SLCO3A1: variants seen among roughly 807,000 people sequenced by gnomAD.
The protein encoded by SLCO3A1 is PGE1 transporter.
SLCO3A1 carries 27 observed loss-of-function variants against 63.1 expected under a neutral mutation model. The ratio of observed to expected loss-of-function variants is 0.43; its 90% CI spans 0.32 to 0.59. The LOEUF (loss-of-function observed/expected upper bound fraction) is 0.59, where lower values mean the gene tolerates loss of function less well. Among genes scored for constraint, SLCO3A1 ranks in the 20% least tolerant of loss-of-function variants. The pLI is 0.09. For synonymous variants in SLCO3A1, 473 were observed against 409.9 expected, an observed-to-expected ratio of 1.15 and a Z score of -1.86; for missense variants, 773 against 945.8, an observed-to-expected ratio of 0.82 and a Z score of 2.40.
rs2108601 is a variant in SLCO3A1 at position 92,165,038 on chromosome 15, G to T, written c.*1903G>T. 269,019 of 984,982 alleles carry T rather than the reference G, an allele frequency of 0.27. 37,058 individuals carry two copies. Among genetic ancestry groups the T allele is most frequent in the Middle Eastern group, 0.31 (594 of 1,914 alleles). 61.0% of individuals were successfully genotyped at this position (984,982 alleles called of 1,614,324 possible). A position where few individuals can be genotyped will look rare whatever the true frequency, so the allele number is the denominator to read the frequency against. On this transcript the variant is annotated 3_prime_UTR_variant, in exon 10 of 10. Transcript: ENST00000318445. The stretch of plus-strand genomic sequence containing the variant: ...ACAAGGCAAACAAAAGAATCAGGAA[G>T]TAAAAAATGGTTGGGAGTGGGACAG...
chr15:92,085,126 G>T (rs1196398542), intron 2 of SLCO3A1, among the ~76,000 whole-genome samples: 2 of 152,212 alleles, frequency 1.3e-5, no homozygotes, highest in Non-Finnish European at 2.9e-5. Context: ...AGGCTGAGGG[G>T]GCTCCCCAGG....
intron 2 of SLCO3A1, among the ~76,000 whole-genome samples, chr15:91,997,576 T>A (rs2046206262): frequency 6.6e-6 from 1 of 152,124 alleles, no homozygotes; most frequent in Non-Finnish European, 1.5e-5. Flanking sequence ...AGACCAAAGC[T>A]ACAGAGGCAT....
intron 2 of SLCO3A1, among the ~76,000 whole-genome samples, chr15:92,054,964 C>T (rs1341070233): frequency 2.6e-5 from 4 of 152,092 alleles, no homozygotes; most frequent in Non-Finnish European, 1.5e-5. Flanking sequence ...TGGGTATATA[C>T]CCAGTAATGG....
intron 4 of SLCO3A1, among the ~76,000 whole-genome samples, chr15:92,109,928 G>T (rs1298724726): frequency 6.6e-6 from 1 of 152,100 alleles, no homozygotes; most frequent in Non-Finnish European, 1.5e-5. Context: ...CCGTGGCTGG[G>T]CTGGACCTAG....
chr15:92,106,865 C>T (rs2047673694), intron 4 of SLCO3A1, among the ~76,000 whole-genome samples: 1 of 152,190 alleles, frequency 6.6e-6, no homozygotes, highest in African/African-American at 2.4e-5. Flanking sequence ...CAGAGCTGAG[C>T]CAAGTCTTGA....
Position 92,165,162 on chromosome 15 carries a change from C to G in SLCO3A1, c.*2027C>G. 1.0e-6 allele frequency: 1 copy of G among 985,344 alleles called. No individual in the cohort carries two copies. Among genetic ancestry groups the G allele is most frequent in the Non-Finnish European group, 1.2e-6 (1 of 829,922 alleles). 61.0% of individuals were successfully genotyped at this position (985,344 alleles called of 1,614,324 possible). ...TCAGCAAGACCAACCAAAAGAAAAG[C>G]TGTGTCGTGGTATGGGGCCACCGTG... On this transcript the variant is annotated 3_prime_UTR_variant, in exon 10 of 10. Transcript: ENST00000318445.
chr15:92,017,988 A>C (rs1475939510), intron 2 of SLCO3A1, among the ~76,000 whole-genome samples: 3 of 152,180 alleles, frequency 2.0e-5, no homozygotes, highest in African/African-American at 7.2e-5. Context: ...GAAGCAGGCA[A>C]GCTGCTGATG....
chr15:92,006,387 C>G (rs954569383), intron 2 of SLCO3A1, among the ~76,000 whole-genome samples: 7 of 152,198 alleles, frequency 4.6e-5, no homozygotes, highest in African/African-American at 1.4e-4. Context: ...ATGAGTTTTA[C>G]TGGACTTTGG....
chr15:92,040,182 T>C (rs1319400568), intron 2 of SLCO3A1, among the ~76,000 whole-genome samples: 1 of 152,144 alleles, frequency 6.6e-6, no homozygotes, highest in Non-Finnish European at 1.5e-5. Flanking sequence ...ACCTACACGT[T>C]CTGCACTTGT....
intron 2 of SLCO3A1, among the ~76,000 whole-genome samples, chr15:92,045,107 C>G (rs1038790393): frequency 2.0e-5 from 3 of 151,884 alleles, no homozygotes; most frequent in African/African-American, 7.3e-5. Flanking sequence ...GGTGAAACAC[C>G]GTCTCTACTA....
intron 6 of SLCO3A1, among the ~76,000 whole-genome samples, chr15:92,128,023 C>T (rs2047946308): frequency 6.6e-6 from 1 of 152,128 alleles, no homozygotes; most frequent in South Asian, 2.1e-4. Context: ...GCCCAGAGGG[C>T]ACATCAATAC....
chr15:92,017,753 C>G (rs191959409), intron 2 of SLCO3A1, among the ~76,000 whole-genome samples: 1 of 152,178 alleles, frequency 6.6e-6, no homozygotes, highest in East Asian at 1.9e-4. Context: ...GAAGGTGAAG[C>G]TACCAGGGGC....
rs891228359 is a variant in SLCO3A1, at chr15:91,856,794, A to C, written c.180+2706A>C. 6.6e-6 allele frequency among the ~76,000 whole-genome samples: 1 copy of C among 152,138 alleles called. No individual in the cohort carries two copies. The highest frequency in any genetic ancestry group is 2.4e-5 in the African/African-American group (1 of 41,434). On this transcript the variant is annotated intron_variant, in intron 1 of 9. Coordinates refer to ENST00000318445, the MANE Select transcript of SLCO3A1 (RefSeq NM_013272.4). This position sits in a 1 kb window ranked among gnomAD's most constrained non-coding sequence, Gnocchi z 4.9. ...GCCAGTAATGCTCCCTTTCACAGAG[A>C]GGAGGGTGGTTACAAATTCTATGCC...
At chr15:91,893,520 G>A (rs1391533028) in intron 1 of SLCO3A1, among the ~76,000 whole-genome samples, 64 of 152,148 alleles carry the variant, frequency 4.2e-4, no homozygotes, top group Admixed American at 3.5e-3. Flanking sequence ...ACTCTTTGGG[G>A]CCTCTGTTAT....
At chr15:91,990,783 C>G (rs1232299760) in intron 2 of SLCO3A1, among the ~76,000 whole-genome samples, 2 of 152,172 alleles carry the variant, frequency 1.3e-5, no homozygotes, top group East Asian at 3.8e-4. Flanking sequence ...ATGCCCCCTG[C>G]CATCCCCCAT....
In SLCO3A1 at chr15:92,143,394, TATATAATATATATAATATATATA is replaced by T. The variant is rs1164973106; in HGVS notation, c.1513-3589_1513-3567del. On this transcript the variant is annotated intron_variant, in intron 7 of 9. Coordinates refer to ENST00000318445, the MANE Select transcript of SLCO3A1 (RefSeq NM_013272.4). ...TATATAATATATATAATATATATAT[TATATAATATATATAATATATATA>T]TTATATATATATAATATATATAATA... Among the ~76,000 whole-genome samples, 6 of 1,534 alleles carry T rather than the reference TATATAATATATATAATATATATA, an allele frequency of 3.9e-3. 3 individuals are homozygous for T. The African/African-American group carries it at 0.07, about 18-fold the overall frequency. 1.0% of individuals were successfully genotyped at this position (1,534 alleles called of 152,430 possible).
chr15:92,010,969 C>CTGTTCCCA (rs2046362487), intron 2 of SLCO3A1, among the ~76,000 whole-genome samples: 1 of 152,224 alleles, frequency 6.6e-6, no homozygotes, highest in Non-Finnish European at 1.5e-5. Flanking sequence ...TCTAAACAGA[C>CTGTTCCCA]TGTTCCCAGC....
At chr15:91,939,701 T>C (rs945062039) in intron 2 of SLCO3A1, among the ~76,000 whole-genome samples, 1 of 152,126 alleles carries the variant, frequency 6.6e-6, no homozygotes, top group Non-Finnish European at 1.5e-5. Flanking sequence ...CAGTCATAGC[T>C]TGGACTCTTT....
intron 2 of SLCO3A1, among the ~76,000 whole-genome samples, chr15:92,080,112 A>C (rs954377846): frequency 1.3e-5 from 2 of 152,244 alleles, no homozygotes; most frequent in Admixed American, 1.3e-4. Flanking sequence ...AGAAGCCCAG[A>C]GTGGCAACAG....
Sources: gnomAD v4.1 joint callset for allele counts (sites outside exome capture counted in the v4.1 genomes callset) on GRCh38, gnomAD v4.1.1 for gene constraint, Gnocchi (gnomAD v3.1) non-coding constraint, MANE v1.5 for transcripts, NCBI Gene and HGNC (gene_info 2026-07-23, HGNC 2026-07-21) for gene names.